Variants in ANGPT1 observed in about 807,000 individuals in gnomAD.
ANGPT1 encodes angiopoietin-1.
A neutral mutation model predicts 62.2 loss-of-function variants in ANGPT1; 17 were observed. The ratio of observed to expected loss-of-function variants is 0.27; its 90% confidence interval spans 0.19 to 0.41. The LOEUF is 0.41. Ranked by LOEUF, ANGPT1 falls within the 10% of genes least tolerant of loss-of-function variation. The pLI is 1.00. For synonymous variants in ANGPT1, 199 were observed against 198.9 expected (o/e 1.00, Z 0.00); for missense variants, 478 against 594.9 (o/e 0.80, Z 2.04).
At chr8:107,462,088 C>T (rs1170792314) in intron 1 of ANGPT1, among the ~76,000 whole-genome samples, 3 of 151,900 alleles carry the variant, frequency 2.0e-5, no homozygotes, top group African/African-American at 2.4e-5. Context: ...GTTTCATTTT[C>T]TCGGAAGTTA....
intron 1 of ANGPT1, among the ~76,000 whole-genome samples, chr8:107,387,294 T>G (rs1010345216): frequency 2.0e-5 from 3 of 152,086 alleles, no homozygotes; most frequent in African/African-American, 7.2e-5. Flanking sequence ...TTTGTTTGAG[T>G]TCAGATCCCT....
At chr8:107,372,833 A>T (rs1816443332) in intron 1 of ANGPT1, among the ~76,000 whole-genome samples, 1 of 151,436 alleles carries the variant, frequency 6.6e-6, no homozygotes, top group Admixed American at 6.6e-5. Context: ...ATGTACCTAA[A>T]GCCACCAAGC....
chr8:107,464,073 A>G (rs1339777603), intron 1 of ANGPT1, among the ~76,000 whole-genome samples: 1 of 152,198 alleles, frequency 6.6e-6, no homozygotes, highest in Middle Eastern at 3.2e-3. Flanking sequence ...GAGTAAGAAC[A>G]TAAATTCTGA....
intron 1 of ANGPT1, among the ~76,000 whole-genome samples, chr8:107,394,146 G>C (rs1038062444): frequency 1.3e-5 from 2 of 152,164 alleles, no homozygotes; most frequent in African/African-American, 4.8e-5. Flanking sequence ...GTTAGAGCTG[G>C]AGAGCTGATC....
chr8:107,250,809 G>A lies in ANGPT1; in HGVS notation c.*1046C>T, dbSNP rs1240348999. The A allele has an allele frequency of 2.0e-5, 3 of 152,028 alleles. No homozygotes were observed. Among genetic ancestry groups the A allele is most frequent in the Non-Finnish European group, 2.9e-5 (2 of 67,966 alleles). 9.4% of individuals were successfully genotyped at this position (152,028 alleles called of 1,614,324 possible). ...AAATTAGCAAGACATAACAGGGTGA[G>A]TATTGGAGTTCTAAAAATATTTTTA... On this transcript the variant is annotated 3_prime_UTR_variant, in exon 9 of 9. Coordinates refer to ENST00000517746, the MANE Select transcript of ANGPT1 (RefSeq NM_001146.5).
intron 1 of ANGPT1, among the ~76,000 whole-genome samples, chr8:107,492,859 CAT>C (rs2130545024): frequency 6.6e-6 from 1 of 150,402 alleles, no homozygotes; most frequent in East Asian, 2.0e-4. Flanking sequence ...ATTAAGTTCT[CAT>C]GTGCATATAG....
chr8:107,279,833 A>T (rs541394274), intron 7 of ANGPT1, among the ~76,000 whole-genome samples: 1 of 152,258 alleles, frequency 6.6e-6, no homozygotes, highest in South Asian at 2.1e-4. Context: ...AATGACTTAT[A>T]ACAGGATTTG....
chr8:107,439,811 C>T (rs34612085), intron 1 of ANGPT1, among the ~76,000 whole-genome samples: 18,248 of 152,110 alleles, frequency 0.12, 1,479 homozygotes, highest in East Asian at 0.44. Context: ...CAGGCAGGCT[C>T]ACCAGGAGGC....
In ANGPT1 at chr8:107,322,022, A is replaced by G. The variant is rs1586221743; in HGVS notation, c.682T>C (p.Tyr228His). 1.2e-6 allele frequency: 2 copies of G among 1,613,938 alleles called. No homozygotes were observed. Among genetic ancestry groups the G allele is most frequent in the East Asian group, 4.5e-5 (2 of 44,852 alleles). Residue 228 changes from tyrosine (Y) to histidine (H), a missense_variant, in exon 4 of 9, where the codon TAT (tyrosine) becomes CAT (histidine). Coordinates refer to ENST00000517746, the MANE Select transcript of ANGPT1 (RefSeq NM_001146.5). Reference protein sequence around the residue: ...NLQGLVTRQTYIIQELEKQLN... With the variant: ...NLQGLVTRQTHIIQELEKQLN... ...TGCTTTTCCAGCTCCTGGATTATAT[A>G]TGTTTGACGAGTAACCAAGCCTTGA...
Position 107,321,934 on chromosome 8 carries a change from G to A in ANGPT1, c.770C>T (p.Thr257Ile), listed in dbSNP as rs141029929. Reference sequence around the variant, plus strand: ...GCAAAGATTGACAAGGTTGTGGACTGTGTCCATCAGCTCCAGTTGCTGCTT... The same window carrying A: ...GCAAAGATTGACAAGGTTGTGGACTATGTCCATCAGCTCCAGTTGCTGCTT... ...LQKQQLELMD[T>I]VHNLVNLCTK... The change falls in exon 4 of 9, where the codon ACA becomes ATA. Residue 257 changes from threonine to isoleucine, a missense_variant. Coordinates refer to ENST00000517746, the MANE Select transcript of ANGPT1 (RefSeq NM_001146.5). 3 of 1,613,986 alleles carry A rather than the reference G, an allele frequency of 1.9e-6. No homozygotes were observed. Among genetic ancestry groups the A allele is most frequent in the Middle Eastern group, 1.7e-4 (1 of 6,060 alleles).
intron 1 of ANGPT1, among the ~76,000 whole-genome samples, chr8:107,485,489 A>G (rs1162077457): frequency 6.6e-6 from 1 of 152,168 alleles, no homozygotes; most frequent in East Asian, 1.9e-4. Flanking sequence ...CTCAAAACCC[A>G]AATTTTGAGT....
chr8:107,310,973 GTGTA>G (rs1336634982), intron 4 of ANGPT1, among the ~76,000 whole-genome samples: 18 of 98,542 alleles, frequency 1.8e-4, no homozygotes, highest in African/African-American at 6.2e-4. Flanking sequence ...GTGTATGAGT[GTGTA>G]TGTGAGTGTG....
rs138717429 is a variant in ANGPT1 at position 107,445,974 on chromosome 8, G to A, written c.297+51288C>T. On this transcript the variant is annotated intron_variant, in intron 1 of 8. Coordinates refer to ENST00000517746, the MANE Select transcript of ANGPT1 (RefSeq NM_001146.5). ...GCTCTGTCACCCAGGCTGGAGTGCA[G>A]TGGCGCTATCTCGGCTCACTGAAAC... Among the ~76,000 whole-genome samples, 1,137 of 152,318 alleles carry A rather than the reference G, an allele frequency of 7.5e-3. 16 individuals are homozygous for A. The highest frequency in any genetic ancestry group is 0.026 in the African/African-American group (1,095 of 41,574).
At chr8:107,269,552 A>C (rs1813691785) in intron 7 of ANGPT1, among the ~76,000 whole-genome samples, 1 of 152,074 alleles carries the variant, frequency 6.6e-6, no homozygotes, top group Non-Finnish European at 1.5e-5. Context: ...CATTAGTTAG[A>C]ATACATCTCC....
intron 1 of ANGPT1, among the ~76,000 whole-genome samples, chr8:107,382,408 G>A (rs989169308): frequency 6.6e-6 from 1 of 152,050 alleles, no homozygotes; most frequent in Non-Finnish European, 1.5e-5. Context: ...TTGTCACAGA[G>A]AGGTCTGCTG....
Position 107,251,686 on chromosome 8 carries a change from C to T in ANGPT1, c.*169G>A. ...CCCCAAGTAGAGACTCTTGTGAACT[C>T]AAACGGCTCCAGATTCACGGTCAAG... On this transcript the variant is annotated 3_prime_UTR_variant, in exon 9 of 9. Transcript: ENST00000517746. 2 of 826,076 alleles carry T rather than the reference C, an allele frequency of 2.4e-6. No individual in the cohort carries two copies. The highest frequency in any genetic ancestry group is 3.7e-6 in the Non-Finnish European group (2 of 547,376). 51.2% of individuals were successfully genotyped at this position (826,076 alleles called of 1,614,324 possible). A position where few individuals can be genotyped will look rare whatever the true frequency, so the allele number is the denominator to read the frequency against.
chr8:107,405,582 AACATAAATGG>A (rs1479781874), intron 1 of ANGPT1, among the ~76,000 whole-genome samples: 1 of 152,010 alleles, frequency 6.6e-6, no homozygotes, highest in Non-Finnish European at 1.5e-5. Context: ...GTGTATATAA[AACATAAATGG>A]ATTTTGTGTT....
intron 2 of ANGPT1, among the ~76,000 whole-genome samples, chr8:107,338,732 G>A (rs1815630098): frequency 6.6e-6 from 1 of 152,188 alleles, no homozygotes; most frequent in Non-Finnish European, 1.5e-5. Context: ...AAATATTGGA[G>A]ATGCACAAGA....
intron 8 of ANGPT1, among the ~76,000 whole-genome samples, chr8:107,256,477 A>C (rs1432898250): frequency 1.3e-5 from 2 of 152,212 alleles, no homozygotes; most frequent in East Asian, 3.8e-4. Context: ...CAGACTCCTC[A>C]TTACTCATAT....
Sources: allele counts gnomAD v4.1 joint callset (sites outside exome capture counted in the v4.1 genomes callset), GRCh38; gene constraint gnomAD v4.1.1; transcripts MANE v1.5; gene names NCBI Gene and HGNC (gene_info 2026-07-23, HGNC 2026-07-21).